The following EPHB1 variants were observed in gnomAD, a reference collection of about 807,000 sequenced individuals.
EPHB1 encodes ephrin type-B receptor 1.
EPHB1 carries 30 observed loss-of-function variants against 94.4 expected under a neutral mutation model. The ratio of observed to expected loss-of-function variants is 0.32; its 90% CI spans 0.24 to 0.43. The LOEUF is 0.43. Among genes scored for constraint, EPHB1 ranks in the 20% least tolerant of loss-of-function variants. EPHB1 has a pLI of 1.00. For synonymous variants in EPHB1, 522 were observed against 489.1 expected (o/e 1.07, Z -0.89); for missense variants, 1,055 against 1,308.3 (o/e 0.81, Z 2.99).
intron 3 of EPHB1, among the ~76,000 whole-genome samples, chr3:134,961,259 G>T (rs1433450357): frequency 6.6e-6 from 1 of 152,136 alleles, no homozygotes; most frequent in Non-Finnish European, 1.5e-5. Flanking sequence ...TTGCTCTGGA[G>T]AACCTGATGG....
chr3:134,848,377 T>C (rs1033980856), intron 1 of EPHB1, among the ~76,000 whole-genome samples: 1 of 152,220 alleles, frequency 6.6e-6, no homozygotes, highest in South Asian at 2.1e-4. Context: ...TTAATATGTT[T>C]ATAGTGTTGT....
Position 135,259,912 on chromosome 3 carries a change from A to AAGAAGAAC in EPHB1, c.*793_*800dup, listed in dbSNP as rs1576510818. The stretch of plus-strand genomic sequence containing the variant: ...TTGTTCGTAACAGATGCAAACAAGA[A>AAGAAGAAC]AGAAGAACTGGGAAGTCTTTGTCCC... On this transcript the variant is annotated 3_prime_UTR_variant, in exon 16 of 16. Coordinates refer to ENST00000398015, the MANE Select transcript of EPHB1 (RefSeq NM_004441.5). The AAGAAGAAC allele has an allele frequency of 7.8e-5, 18 of 230,098 alleles. 1 individual carries two copies. In the East Asian group the frequency reaches 1.1e-3, roughly 14 times the overall value. 14.3% of individuals were successfully genotyped at this position (230,098 alleles called of 1,614,324 possible).
intron 1 of EPHB1, among the ~76,000 whole-genome samples, chr3:134,893,923 A>G (rs1419454514): frequency 6.6e-6 from 1 of 152,208 alleles, no homozygotes; most frequent in Non-Finnish European, 1.5e-5. Context: ...CTGTGGACCC[A>G]ACTGAGCAAA....
chr3:134,941,649 AGT>A (rs1358865803), intron 2 of EPHB1, among the ~76,000 whole-genome samples: 1 of 152,132 alleles, frequency 6.6e-6, no homozygotes, highest in Non-Finnish European at 1.5e-5. Flanking sequence ...TCTAGAAGGT[AGT>A]GTAGATGGAC....
intron 5 of EPHB1, among the ~76,000 whole-genome samples, chr3:135,143,192 T>C (rs1159432881): frequency 1.3e-5 from 2 of 151,634 alleles, no homozygotes; most frequent in East Asian, 3.9e-4. Context: ...CAGTAGTCAG[T>C]GGGAAAGTCA....
chr3:134,867,080 G>A (rs1447159296), intron 1 of EPHB1, among the ~76,000 whole-genome samples: 1 of 152,090 alleles, frequency 6.6e-6, no homozygotes. Flanking sequence ...ATGGGAGGGG[G>A]TGGCAGTGCT....
intron 7 of EPHB1, among the ~76,000 whole-genome samples, chr3:135,163,849 C>T (rs547619037): frequency 2.0e-5 from 3 of 152,214 alleles, no homozygotes; most frequent in East Asian, 1.9e-4. Flanking sequence ...CACATGGGTA[C>T]GGATTATGTT....
chr3:135,206,568 G>C (rs1461897721), intron 12 of EPHB1, among the ~76,000 whole-genome samples: 2 of 152,176 alleles, frequency 1.3e-5, no homozygotes, highest in African/African-American at 4.8e-5. Context: ...TCTTACTGTA[G>C]GTTGGGCATG....
chr3:135,138,990 T>C (rs1940719380), intron 5 of EPHB1, among the ~76,000 whole-genome samples: 1 of 152,216 alleles, frequency 6.6e-6, no homozygotes, highest in Admixed American at 6.5e-5. Context: ...AACCTCGCAG[T>C]CCTCCACCAG....
chr3:135,087,277 T>A (rs149700905), intron 3 of EPHB1, among the ~76,000 whole-genome samples: 1 of 152,328 alleles, frequency 6.6e-6, no homozygotes, highest in Admixed American at 6.5e-5. Flanking sequence ...AATTGACACA[T>A]CTTGGTGAAG....
At chr3:135,057,745 T>C (rs552839067) in intron 3 of EPHB1, among the ~76,000 whole-genome samples, 219 of 152,372 alleles carry the variant, frequency 1.4e-3, no homozygotes, top group African/African-American at 4.9e-3. Context: ...GTACATATAC[T>C]GCATACATAT....
intron 1 of EPHB1, among the ~76,000 whole-genome samples, chr3:134,880,685 A>G (rs1578165036): frequency 6.6e-6 from 1 of 152,170 alleles, no homozygotes; most frequent in Non-Finnish European, 1.5e-5. Flanking sequence ...ATGTTGTTGG[A>G]CCACCCTCTG....
chr3:135,207,574 T>C (rs1182821733), intron 12 of EPHB1, among the ~76,000 whole-genome samples: 5 of 152,184 alleles, frequency 3.3e-5, no homozygotes, highest in Admixed American at 1.3e-4. Flanking sequence ...CCGCTATGTT[T>C]TGCGAGAGCA....
chr3:135,053,430 T>A (rs1937253413), intron 3 of EPHB1, among the ~76,000 whole-genome samples: 1 of 152,164 alleles, frequency 6.6e-6, no homozygotes, highest in Non-Finnish European at 1.5e-5. Flanking sequence ...TGAGACCTTT[T>A]GGGAACTGGT....
chr3:135,179,596 A>G lies in EPHB1; in HGVS notation c.1760-264A>G, dbSNP rs893077726. Among the ~76,000 whole-genome samples the G allele has an allele frequency of 3.9e-5, 6 of 152,342 alleles. No homozygotes were observed. The East Asian group carries it at 1.2e-3, about 29-fold the overall frequency. On this transcript the variant is annotated intron_variant, in intron 9 of 15. Coordinates refer to ENST00000398015, the MANE Select transcript of EPHB1 (RefSeq NM_004441.5). The stretch of plus-strand genomic sequence containing the variant: ...AACTGGTCCCGATCTGTCACTTATA[A>G]GTAATCTGTTCCACATTTCACCAAG...
intron 14 of EPHB1, among the ~76,000 whole-genome samples, 188 bp downstream of exon 14, chr3:135,248,697 A>AAATAGTG (rs1210800142): frequency 6.6e-6 from 1 of 152,052 alleles, no homozygotes; most frequent in African/African-American, 2.4e-5. Flanking sequence ...ATGATAGAGA[A>AAATAGTG]AATAGTGTCT....
intron 13 of EPHB1, among the ~76,000 whole-genome samples, chr3:135,246,655 G>A (rs1943931825): frequency 6.6e-6 from 1 of 152,204 alleles, no homozygotes. Flanking sequence ...GGGAAATGGG[G>A]TTAAAATGGT....
intron 1 of EPHB1, among the ~76,000 whole-genome samples, chr3:134,833,935 A>G (rs1053396935): frequency 6.6e-6 from 1 of 152,164 alleles, no homozygotes; most frequent in Non-Finnish European, 1.5e-5. Flanking sequence ...AGGCCCCCAG[A>G]GCGTGATAAG....
At chr3:134,955,594 C>G (rs1428421081) in intron 3 of EPHB1, among the ~76,000 whole-genome samples, 1 of 98,974 alleles carries the variant, frequency 1.0e-5, no homozygotes, top group Non-Finnish European at 2.0e-5. Context: ...ACTAGAAATA[C>G]CATTTGACCC....
Sources: allele counts gnomAD v4.1 joint callset (sites outside exome capture counted in the v4.1 genomes callset), GRCh38; gene constraint gnomAD v4.1.1; transcripts MANE v1.5; gene names NCBI Gene and HGNC (gene_info 2026-07-23, HGNC 2026-07-21).